Variants in TECR observed in about 807,000 individuals in gnomAD.
TECR encodes very-long-chain enoyl-CoA reductase.
In TECR, 19 loss-of-function variants were observed where a neutral mutation model predicts 50.6. That is an observed-to-expected ratio of 0.38 (90% CI 0.26 to 0.55). The LOEUF is 0.55. Ranked by LOEUF, TECR falls within the 20% of genes least tolerant of loss-of-function variation. TECR has a pLI of 0.79. For missense variants in TECR, 313 were observed against 408.3 expected, an observed-to-expected ratio of 0.77 and a Z score of 2.01; for synonymous variants, 168 against 163.5, an observed-to-expected ratio of 1.03 and a Z score of -0.21.
At chr19:14,552,315 T>G (rs1277249248) in intron 1 of TECR, among the ~76,000 whole-genome samples, 1 of 151,348 alleles carries the variant, frequency 6.6e-6, no homozygotes, top group East Asian at 2.0e-4. Flanking sequence ...ATTATAGGCG[T>G]GAGCCACCGT....
At chr19:14,551,977 C>T (rs1484606414) in intron 1 of TECR, among the ~76,000 whole-genome samples, 2 of 111,230 alleles carry the variant, frequency 1.8e-5, no homozygotes, top group South Asian at 3.8e-4. Flanking sequence ...CTCTCTTTCT[C>T]TCTTTTTTTT....
rs552583260 is a variant in TECR, at chr19:14,562,206, A to T, written c.16-319A>T. The T allele has an allele frequency of 8.3e-6, 5 of 600,876 alleles. No individual in the cohort carries two copies. The South Asian group carries it at 1.0e-4, about 12-fold the overall frequency. The allele number at this position is 600,876 out of a possible 1,614,324, so 37.2% of individuals were successfully genotyped here. ...TGGCTGTGGTTGCCACTCGGGTTAC[A>T]TCTGGCACAGAAGTCGGCAGTGCCA... On this transcript the variant is annotated intron_variant, in intron 1 of 12. Transcript: ENST00000215567.
At chr19:14,538,158 C>T (rs950701684) in intron 1 of TECR, among the ~76,000 whole-genome samples, 4 of 152,164 alleles carry the variant, frequency 2.6e-5, no homozygotes, top group Non-Finnish European at 5.9e-5. Context: ...GAAAGTGAAG[C>T]GACTTGTCCA....
chr19:14,534,988 G>A (rs937665267), intron 1 of TECR, among the ~76,000 whole-genome samples: 1 of 152,170 alleles, frequency 6.6e-6, no homozygotes, highest in Non-Finnish European at 1.5e-5. Context: ...GGAGGGCGAG[G>A]TGCTGCGGGT....
chr19:14,565,487 C>T (rs1004018108), intron 11 of TECR, 131 bp from the exon 12 acceptor site: 1 of 1,445,390 alleles, frequency 6.9e-7, no homozygotes, highest in Non-Finnish European at 9.4e-7. Context: ...TACAGCCCCG[C>T]CTCCGCTGGA....
In TECR at chr19:14,556,987, C is replaced by T. The variant is rs117802673; in HGVS notation, c.16-5538C>T. 3.8e-4 allele frequency among the ~76,000 whole-genome samples: 58 copies of T among 152,270 alleles called. 1 individual carries two copies. In the East Asian group the frequency reaches 7.7e-3, roughly 20 times the overall value. ...GCATCAGTGCACCAGCTCTCTGGCCCTGGCTTCCTGTGGATGGGCCCCTTC... is the reference window on the plus strand; with the variant it reads ...GCATCAGTGCACCAGCTCTCTGGCCTTGGCTTCCTGTGGATGGGCCCCTTC... On this transcript the variant is annotated intron_variant, in intron 1 of 12. Coordinates refer to ENST00000215567, the MANE Select transcript of TECR (RefSeq NM_138501.6).
At chr19:14,542,347 G>GGTTTTTTTTTTTTT (rs2073124658) in intron 1 of TECR, among the ~76,000 whole-genome samples, 3 of 43,284 alleles carry the variant, frequency 6.9e-5, no homozygotes, top group Admixed American at 3.6e-4. Context: ...ATGCCATAGT[G>GGTTTTTTTTTTTTT]TTTTTTTTTT....
intron 1 of TECR, chr19:14,530,524 A>T (rs553414751): frequency 6.6e-6 from 1 of 152,322 alleles, no homozygotes; most frequent in South Asian, 2.1e-4. Flanking sequence ...GCAAGTGCTT[A>T]CTCTTGTGCT....
intron 1 of TECR, among the ~76,000 whole-genome samples, chr19:14,561,522 A>G (rs915384721): frequency 6.6e-6 from 1 of 152,154 alleles, no homozygotes; most frequent in African/African-American, 2.4e-5. Context: ...GGGCTGGCAC[A>G]GGCCTGGCTC....
rs546240195 is a variant in TECR, at chr19:14,529,632, C to G, written c.-65C>G. On this transcript the variant is annotated 5_prime_UTR_variant, in exon 1 of 13. Coordinates refer to ENST00000215567, the MANE Select transcript of TECR (RefSeq NM_138501.6). ...CTGCGGTTGCGAGCGCTGTAGGGAG[C>G]CTGTGCTGTGCCGCGCAGTTAGGCA... 71 of 1,612,540 alleles carry G rather than the reference C, an allele frequency of 4.4e-5. No homozygotes were observed. The African/African-American group carries it at 7.9e-4, about 18-fold the overall frequency.
chr19:14,539,140 A>ATTTTTTTTTTTTTT (rs57801378), intron 1 of TECR, among the ~76,000 whole-genome samples: 1 of 92,532 alleles, frequency 1.1e-5, no homozygotes. Flanking sequence ...CGCCCGGCTA[A>ATTTTTTTTTTTTTT]TTTTTTTTTT....
chr19:14,565,014 A>G, intron 9 of TECR, 22 bp downstream of exon 9: 2 of 1,613,702 alleles, frequency 1.2e-6, no homozygotes, highest in South Asian at 2.2e-5. Context: ...GGGTGTGGGG[A>G]CGGGGTCGGG....
intron 1 of TECR, among the ~76,000 whole-genome samples, chr19:14,543,301 G>T (rs1189089318): frequency 2.0e-4 from 26 of 133,072 alleles, no homozygotes; most frequent in Admixed American, 1.1e-3. Context: ...GTGGGGTGGG[G>T]GTGTGTGTGT....
In TECR at chr19:14,537,067, T is replaced by C. The variant is rs529379617; in HGVS notation, c.15+7356T>C. Among the ~76,000 whole-genome samples, 4 of 130,802 alleles carry C rather than the reference T, an allele frequency of 3.1e-5. No individual in the cohort carries two copies. In the East Asian group the frequency reaches 7.0e-4, roughly 23 times the overall value. 85.8% of individuals were successfully genotyped at this position (130,802 alleles called of 152,430 possible). A position where few individuals can be genotyped will look rare whatever the true frequency, so the allele number is the denominator to read the frequency against. On this transcript the variant is annotated intron_variant, in intron 1 of 12. Transcript: ENST00000215567. Reference sequence around the variant, plus strand: ...GTCCCAAGGAGTAGGAGGCAGAGTTTAGCAGGAAAAGGCATGTCCTGAGGA... The same window carrying C: ...GTCCCAAGGAGTAGGAGGCAGAGTTCAGCAGGAAAAGGCATGTCCTGAGGA...
chr19:14,559,701 C>T (rs552544320), intron 1 of TECR, among the ~76,000 whole-genome samples: 2 of 151,630 alleles, frequency 1.3e-5, no homozygotes, highest in Non-Finnish European at 2.9e-5. Context: ...GCAGGAGAAT[C>T]GTTTGAACCT....
intron 1 of TECR, among the ~76,000 whole-genome samples, chr19:14,551,839 T>G (rs1250338839): frequency 6.6e-6 from 1 of 152,010 alleles, no homozygotes; most frequent in Admixed American, 6.6e-5. Flanking sequence ...GTTTTTCTTT[T>G]GTTTGGTTTT....
chr19:14,563,772 C>A lies in TECR; in HGVS notation c.164-28C>A. 1 of 1,612,596 alleles carries A rather than the reference C, an allele frequency of 6.2e-7. No homozygotes were observed. The highest frequency in any genetic ancestry group is 8.5e-7 in the Non-Finnish European group (1 of 1,179,632). ...GGCAGTGGGAGAAGGCCCGGGTAGC[C>A]CCTGAGCCCTGGCCCGCCTCTCTGC... On this transcript the variant is annotated intron_variant, in intron 4 of 12. Coordinates refer to ENST00000215567, the MANE Select transcript of TECR (RefSeq NM_138501.6). The surrounding 1 kb of genome is among the most constrained non-coding windows in gnomAD (Gnocchi z 5.3).
At chr19:14,555,243 G>A (rs1262914783) in intron 1 of TECR, among the ~76,000 whole-genome samples, 1 of 151,258 alleles carries the variant, frequency 6.6e-6, no homozygotes, top group Non-Finnish European at 1.5e-5. Context: ...ACCACACCCA[G>A]CTAATTTTTT....
At chr19:14,549,051 G>A (rs1430703611) in intron 1 of TECR, among the ~76,000 whole-genome samples, 2 of 151,726 alleles carry the variant, frequency 1.3e-5, no homozygotes, top group African/African-American at 4.8e-5. Flanking sequence ...AGGTAAAAAC[G>A]TCATGTATTT....
Sources: allele counts gnomAD v4.1 joint callset (sites outside exome capture counted in the v4.1 genomes callset), GRCh38; gene constraint gnomAD v4.1.1; non-coding constraint Gnocchi (gnomAD v3.1); transcripts MANE v1.5; gene names NCBI Gene and HGNC (gene_info 2026-07-23, HGNC 2026-07-21).